PIP5K1B: variants seen among roughly 807,000 people sequenced by gnomAD.
PIP5K1B encodes phosphatidylinositol 4-phosphate 5-kinase type-1 beta.
Under a neutral mutation model 67.0 loss-of-function variants are expected in PIP5K1B, and 42 were observed. The observed-to-expected ratio is 0.63, with a 90% CI of 0.49 to 0.81. The LOEUF (loss-of-function observed/expected upper bound fraction) is 0.81. Ranked by LOEUF, PIP5K1B falls within the 30% of genes least tolerant of loss-of-function variation. PIP5K1B has a pLI of 0.00. For synonymous variants in PIP5K1B, 214 were observed against 231.4 expected (o/e 0.92, Z 0.68); for missense variants, 459 against 646.3 (o/e 0.71, Z 3.14).
intron 15 of PIP5K1B, among the ~76,000 whole-genome samples, chr9:69,005,801 AC>A (rs1831050697): frequency 6.6e-6 from 1 of 152,016 alleles, no homozygotes; most frequent in South Asian, 2.1e-4. Flanking sequence ...GTCAGGATAA[AC>A]AGTTTCTGCC....
At chr9:68,961,823 G>A (rs113111302) in intron 14 of PIP5K1B, among the ~76,000 whole-genome samples, 22 of 152,116 alleles carry the variant, frequency 1.4e-4, no homozygotes, top group Non-Finnish European at 2.1e-4. Flanking sequence ...CACCCACTCC[G>A]GAGAATAAAC....
intron 2 of PIP5K1B, chr9:68,788,736 G>C (rs1831779282): frequency 1.5e-5 from 4 of 268,082 alleles, no homozygotes; most frequent in Non-Finnish European, 2.3e-5. Flanking sequence ...CATCTGGCTG[G>C]TGACTATCAC....
intron 14 of PIP5K1B, among the ~76,000 whole-genome samples, chr9:68,983,607 TC>T (rs1447130263): frequency 3.9e-5 from 6 of 152,216 alleles, no homozygotes; most frequent in African/African-American, 1.4e-4. Context: ...TAGAATCCAT[TC>T]TAGGTGCAGT....
At chr9:68,953,742 G>A (rs369801414) in intron 14 of PIP5K1B, among the ~76,000 whole-genome samples, 1 of 151,094 alleles carries the variant, frequency 6.6e-6, no homozygotes, top group African/African-American at 2.4e-5. Flanking sequence ...GGTGGTTGAG[G>A]CTGCAGTGAG....
intron 5 of PIP5K1B, among the ~76,000 whole-genome samples, chr9:68,866,764 A>G (rs1185565478): frequency 6.6e-6 from 1 of 152,152 alleles, no homozygotes; most frequent in Non-Finnish European, 1.5e-5. Context: ...GAAAGATAGT[A>G]GAGTTTGTGA....
Position 68,991,195 on chromosome 9 carries a change from A to T in PIP5K1B, c.1558A>T (p.Thr520Ser), listed in dbSNP as rs777628718. Residue 520 changes from threonine (T) to serine (S), a missense_variant, in exon 15 of 16, where the codon ACC (threonine) becomes TCC (serine). Physicochemically the swap from Thr to Ser is moderately conservative, Grantham distance 58. This residue lies in a region of PIP5K1B where 169 missense variants were observed against 171.9 expected (regional missense o/e 0.98). Coordinates refer to ENST00000265382, the MANE Select transcript of PIP5K1B (RefSeq NM_003558.4). ...FTLEEGTIYLTAEPNTLEVQD... is the reference protein window; with the variant it reads ...FTLEEGTIYLSAEPNTLEVQD... The stretch of plus-strand genomic sequence containing the variant: ...CTTGGAAGAGGGGACCATCTACTTG[A>T]CCGCTGAGCCCAACACTCTGGAAGT... 2 of 1,612,662 alleles carry T rather than the reference A, an allele frequency of 1.2e-6. No individual in the cohort carries two copies. The highest frequency in any genetic ancestry group is 1.7e-6 in the Non-Finnish European group (2 of 1,178,680).
intron 5 of PIP5K1B, among the ~76,000 whole-genome samples, chr9:68,872,846 T>C (rs956810684): frequency 6.6e-6 from 1 of 152,228 alleles, no homozygotes; most frequent in African/African-American, 2.4e-5. Context: ...TAATACCACA[T>C]AGAATTCCAT....
rs150735585 is a variant in PIP5K1B, at chr9:68,852,842, A to G, written c.70-10995A>G. The stretch of plus-strand genomic sequence containing the variant: ...AAGGCAAGTGGATTATCATTCAGAG[A>G]CACTCACTGTGGACTAGGTCCTATC... On this transcript the variant is annotated intron_variant, in intron 4 of 15. Transcript: ENST00000265382. Among the ~76,000 whole-genome samples the G allele has an allele frequency of 1.1e-3, 170 of 152,306 alleles. 2 individuals are homozygous for G. Among genetic ancestry groups the G allele is most frequent in the African/African-American group, 3.8e-3 (158 of 41,564 alleles).
intron 2 of PIP5K1B, among the ~76,000 whole-genome samples, chr9:68,785,722 TGTG>T (rs1350219725): frequency 1.3e-5 from 2 of 152,022 alleles, no homozygotes; most frequent in Non-Finnish European, 2.9e-5. Flanking sequence ...GGCAGCGAAT[TGTG>T]GTGGTTAGGA....
intron 2 of PIP5K1B, among the ~76,000 whole-genome samples, chr9:68,791,825 A>G (rs1239819489): frequency 2.0e-5 from 3 of 152,254 alleles, no homozygotes; most frequent in Non-Finnish European, 2.9e-5. Context: ...AAATCAAACT[A>G]TGCAGTATGA....
chr9:68,826,006 C>G (rs1175485659), intron 4 of PIP5K1B, among the ~76,000 whole-genome samples: 2 of 152,194 alleles, frequency 1.3e-5, no homozygotes, highest in African/African-American at 4.8e-5. Context: ...TGCCTTTTGT[C>G]TTGCAGTTGA....
intron 14 of PIP5K1B, among the ~76,000 whole-genome samples, chr9:68,976,506 C>T (rs551293554): frequency 6.6e-6 from 1 of 152,346 alleles, no homozygotes; most frequent in South Asian, 2.1e-4. Flanking sequence ...TACCCTGCCT[C>T]TTGCTGTAGC....
chr9:68,709,021 A>T (rs1827258300), intron 1 of PIP5K1B, among the ~76,000 whole-genome samples: 1 of 152,202 alleles, frequency 6.6e-6, no homozygotes, highest in Admixed American at 6.5e-5. Context: ...GAGGACCAAG[A>T]TCAATGTGGA....
intron 14 of PIP5K1B, among the ~76,000 whole-genome samples, chr9:68,950,174 C>T (rs1027854548): frequency 2.0e-5 from 3 of 152,168 alleles, no homozygotes; most frequent in Admixed American, 6.5e-5. Flanking sequence ...AGCAGCTATT[C>T]GTGACCTCCC....
chr9:68,878,004 G>A (rs1195647244), intron 6 of PIP5K1B, among the ~76,000 whole-genome samples: 3 of 131,012 alleles, frequency 2.3e-5, no homozygotes, highest in African/African-American at 2.7e-5. Flanking sequence ...ACAAGCACAC[G>A]CATTTGTTCT....
intron 12 of PIP5K1B, among the ~76,000 whole-genome samples, chr9:68,931,811 T>G (rs1564245205): frequency 6.6e-6 from 1 of 152,202 alleles, no homozygotes; most frequent in Non-Finnish European, 1.5e-5. Flanking sequence ...CAGCCATGGT[T>G]GAGCCAAAGA....
At chr9:68,734,926 C>T (rs1399803754) in intron 1 of PIP5K1B, among the ~76,000 whole-genome samples, 1 of 152,238 alleles carries the variant, frequency 6.6e-6, no homozygotes, top group African/African-American at 2.4e-5. Flanking sequence ...AGGTGACCAT[C>T]TCAGCTTCTG....
chr9:68,788,068 C>T (rs918318964), intron 2 of PIP5K1B, among the ~76,000 whole-genome samples: 1 of 152,234 alleles, frequency 6.6e-6, no homozygotes, highest in African/African-American at 2.4e-5. Context: ...AAGCATCAAG[C>T]ATCTCTACCC....
chr9:68,849,789 A>G (rs545390838), intron 4 of PIP5K1B, among the ~76,000 whole-genome samples: 3 of 152,330 alleles, frequency 2.0e-5, no homozygotes, highest in Non-Finnish European at 4.4e-5. Context: ...AGAAGGGCAC[A>G]TTGGTGTTTT....
Sources: allele counts gnomAD v4.1 joint callset (sites outside exome capture counted in the v4.1 genomes callset), GRCh38; gene constraint gnomAD v4.1.1; regional missense constraint gnomAD v4.1.1; transcripts MANE v1.5; gene names NCBI Gene and HGNC (gene_info 2026-07-23, HGNC 2026-07-21).